KCNN2: variants seen among roughly 807,000 people sequenced by gnomAD.
The protein encoded by KCNN2 is small conductance calcium-activated potassium channel protein 2.
KCNN2 carries 24 observed loss-of-function variants against 55.5 expected under a neutral mutation model. The ratio of observed to expected loss-of-function variants is 0.43; its 90% CI spans 0.31 to 0.61. The LOEUF (loss-of-function observed/expected upper bound fraction) is 0.61, where lower values mean the gene tolerates loss of function less well. Ranked by LOEUF, KCNN2 falls within the 20% of genes least tolerant of loss-of-function variation. The pLI is 0.08. For missense variants in KCNN2, 754 were observed against 853.6 expected (o/e 0.88, Z 1.45); for synonymous variants, 431 against 336.1 (o/e 1.28, Z -3.09).
At chr5:114,361,736 G>C (rs976521178), upstream of KCNN2, among the ~76,000 whole-genome samples, 2 of 152,150 alleles carry the variant, frequency 1.3e-5, no homozygotes, top group African/African-American at 4.8e-5. Flanking sequence ...GCAGCGGCAC[G>C]GGAGGGAGGG....
At chr5:114,176,289 C>T (rs1561510200) in intron 1 of KCNN2, among the ~76,000 whole-genome samples, 1 of 152,132 alleles carries the variant, frequency 6.6e-6, no homozygotes, top group Non-Finnish European at 1.5e-5. Context: ...TGAGAATCAC[C>T]TCAGACAAAG....
chr5:114,368,930 A>G (rs1440405403), intron 2 of KCNN2, among the ~76,000 whole-genome samples: 1 of 152,044 alleles, frequency 6.6e-6, no homozygotes, highest in Admixed American at 6.6e-5. Context: ...TTACTTCACC[A>G]GCCCTGATCT....
At chr5:114,167,883 G>A (rs138468257) in intron 1 of KCNN2, among the ~76,000 whole-genome samples, 93 of 152,174 alleles carry the variant, frequency 6.1e-4, no homozygotes, top group African/African-American at 1.9e-3. Flanking sequence ...AGATCAATGT[G>A]TAAGTTTTAG....
chr5:114,433,660 G>C (rs1225662700), intron 3 of KCNN2: 1 of 152,396 alleles, frequency 6.6e-6, no homozygotes, highest in Non-Finnish European at 1.5e-5. Context: ...CACTCCTGAA[G>C]CCAGCGAGCC....
intron 7 of KCNN2, 56 bp from the exon 8 acceptor site, chr5:114,495,839 G>A (rs950042860): frequency 2.1e-5 from 32 of 1,523,852 alleles, no homozygotes; most frequent in Admixed American, 1.0e-4. Flanking sequence ...CTGAGAGGTG[G>A]ACAGTTTGTG....
At chr5:114,140,674 A>G (rs923967297) in intron 1 of KCNN2, among the ~76,000 whole-genome samples, 2 of 151,538 alleles carry the variant, frequency 1.3e-5, no homozygotes, top group East Asian at 1.9e-4. Flanking sequence ...TTTTCTATGT[A>G]TTTATCAATG....
chr5:114,177,674 G>T (rs961845290), intron 1 of KCNN2, among the ~76,000 whole-genome samples: 1 of 151,636 alleles, frequency 6.6e-6, no homozygotes, highest in Non-Finnish European at 1.5e-5. Flanking sequence ...AATAATTACA[G>T]CATTTTTATA....
At chr5:114,127,943 C>G (rs1751972944) in intron 1 of KCNN2, among the ~76,000 whole-genome samples, 1 of 152,110 alleles carries the variant, frequency 6.6e-6, no homozygotes, top group South Asian at 2.1e-4. Context: ...TTTCTTATCT[C>G]CATCTCAGAC....
intron 1 of KCNN2, among the ~76,000 whole-genome samples, chr5:114,144,334 C>G (rs151054991): frequency 0.031 from 4,719 of 152,230 alleles, 257 homozygotes; most frequent in African/African-American, 0.11. Flanking sequence ...CAATACCTGA[C>G]TGAGAATTCC....
At chr5:114,175,524 A>C (rs1753117092) in intron 1 of KCNN2, among the ~76,000 whole-genome samples, 1 of 152,178 alleles carries the variant, frequency 6.6e-6, no homozygotes, top group African/African-American at 2.4e-5. Context: ...GATATACTCA[A>C]AGAGAAAGGC....
intron 1 of KCNN2, among the ~76,000 whole-genome samples, chr5:114,153,122 G>A (rs551355469): frequency 6.6e-6 from 1 of 152,298 alleles, no homozygotes; most frequent in South Asian, 2.1e-4. Context: ...AACTGAAAAC[G>A]TTGGGGCTTT....
At chr5:114,285,211 G>A (rs1755715232) in intron 2 of KCNN2, among the ~76,000 whole-genome samples, 1 of 149,280 alleles carries the variant, frequency 6.7e-6, no homozygotes, top group East Asian at 2.0e-4. Flanking sequence ...GTGAACCCAG[G>A]AGACAGAGCT....
chr5:114,143,631 T>C (rs190940204), intron 1 of KCNN2, among the ~76,000 whole-genome samples: 1 of 152,294 alleles, frequency 6.6e-6, no homozygotes, highest in East Asian at 1.9e-4. Flanking sequence ...GGAATCTTGG[T>C]GATGTGAAAC....
In KCNN2 at chr5:114,105,273, A is replaced by T. The variant is rs79945906; in HGVS notation, c.-271+48773A>T. On this transcript the variant is annotated intron_variant, in intron 1 of 10. Transcript: ENST00000512097. ...GTTGAGATCCCCATCAATATAAATA[A>T]CTGAACCATAAACAGTGATTTCAGG... Among the ~76,000 whole-genome samples the T allele has an allele frequency of 2.3e-3, 347 of 152,192 alleles. 3 individuals carry two copies. The highest frequency in any genetic ancestry group is 7.9e-3 in the African/African-American group (328 of 41,548).
At chr5:114,212,935 A>G (rs773942513) in intron 1 of KCNN2, among the ~76,000 whole-genome samples, 7 of 152,020 alleles carry the variant, frequency 4.6e-5, no homozygotes, top group Non-Finnish European at 1.0e-4. Flanking sequence ...TCTTCTTACA[A>G]TGTAGATATA....
In KCNN2 at chr5:114,082,692, T is replaced by C. The variant is rs965721588; in HGVS notation, c.-271+26192T>C. Among the ~76,000 whole-genome samples the C allele has an allele frequency of 2.6e-5, 4 of 152,168 alleles. No homozygotes were observed. In the East Asian group the frequency reaches 5.8e-4, roughly 22 times the overall value. On this transcript the variant is annotated intron_variant, in intron 1 of 10. Transcript: ENST00000512097. Reference sequence around the variant, plus strand: ...ACCTAAGTAACCATCAGCAGATGAATGGGTAAACAAAATGTGTTATGTGCA... The same window carrying C: ...ACCTAAGTAACCATCAGCAGATGAACGGGTAAACAAAATGTGTTATGTGCA...
intron 3 of KCNN2, among the ~76,000 whole-genome samples, chr5:114,424,326 A>G (rs537535666): frequency 4.6e-5 from 7 of 152,328 alleles, no homozygotes; most frequent in South Asian, 2.1e-4. Flanking sequence ...ATCCTGACCT[A>G]TGAGCACTAA....
At chr5:114,479,548 C>T (rs184885073) in intron 5 of KCNN2, among the ~76,000 whole-genome samples, 65 of 152,098 alleles carry the variant, frequency 4.3e-4, no homozygotes, top group African/African-American at 1.3e-3. Context: ...AGCTTTGGAT[C>T]GAGTGGACCT....
chr5:114,062,607 T>C (rs1430095978), intron 1 of KCNN2, among the ~76,000 whole-genome samples: 1 of 152,184 alleles, frequency 6.6e-6, no homozygotes, highest in Non-Finnish European at 1.5e-5. Flanking sequence ...GAAATCCTAG[T>C]AAGAAATTTG....
Sources: allele counts gnomAD v4.1 joint callset (sites outside exome capture counted in the v4.1 genomes callset), GRCh38; gene constraint gnomAD v4.1.1; transcripts MANE v1.5; gene names NCBI Gene and HGNC (gene_info 2026-07-23, HGNC 2026-07-21).